The following CIT variants were observed in gnomAD, a reference collection of about 807,000 sequenced individuals.
The protein encoded by CIT is citron Rho-interacting kinase.
In CIT, 79 loss-of-function variants were observed where a neutral mutation model predicts 272.7. That is an observed-to-expected ratio of 0.29 (90% CI 0.24 to 0.35). The LOEUF is 0.35. CIT is among the 10% of genes least tolerant of loss of function. The pLI, the probability that CIT is intolerant of heterozygous loss-of-function variation, is 1.00. For missense variants in CIT, 1,909 were observed against 2,618.3 expected, an observed-to-expected ratio of 0.73 and a Z score of 5.91; for synonymous variants, 948 against 995.6, an observed-to-expected ratio of 0.95 and a Z score of 0.90.
At chr12:119,838,292 C>T (rs1969161390) in intron 5 of CIT, among the ~76,000 whole-genome samples, 1 of 152,084 alleles carries the variant, frequency 6.6e-6, no homozygotes, top group Non-Finnish European at 1.5e-5. Context: ...AGGCCAGTCT[C>T]GAACTCCTGA....
At chr12:119,752,284 C>G in intron 22 of CIT, 37 bp from the exon 23 acceptor site, 1 of 1,548,486 alleles carries the variant, frequency 6.5e-7, no homozygotes. Context: ...GAGATAAACC[C>G]TTGCTTGGTC....
Position 119,804,420 on chromosome 12 carries a change from C to G in CIT, c.1112-1031G>C. 3 of 985,484 alleles carry G rather than the reference C, an allele frequency of 3.0e-6. No individual in the cohort carries two copies. The highest frequency in any genetic ancestry group is 3.6e-6 in the Non-Finnish European group (3 of 829,978). The allele number at this position is 985,484 out of a possible 1,614,324, so 61.0% of individuals were successfully genotyped here. Reference sequence around the variant, plus strand: ...AGTGCAGGCTGCATGCTCCCGGCTCCGTGCGTGCGTGCTCTGGCTGGAACC... The same window carrying G: ...AGTGCAGGCTGCATGCTCCCGGCTCGGTGCGTGCGTGCTCTGGCTGGAACC... On this transcript the variant is annotated intron_variant, in intron 9 of 47. Coordinates refer to ENST00000392521, the MANE Select transcript of CIT (RefSeq NM_001206999.2). This position sits in a 1 kb window ranked among gnomAD's most constrained non-coding sequence, Gnocchi z 5.3.
Position 119,752,063 on chromosome 12 carries a change from A to T in CIT, c.2891T>A (p.Ile964Asn). 6.2e-7 allele frequency: 1 copy of T among 1,611,860 alleles called. No individual in the cohort carries two copies. Among genetic ancestry groups the T allele is most frequent in the Non-Finnish European group, 8.5e-7 (1 of 1,179,782 alleles). ...CCCCAGACCTACCGTGAGTGCCTGG[A>T]TCTCCTCTTCAGCTTCTGCTGTGGT... ...EETTAEAEEE[I>N]QALTAHRDEI... The change falls in exon 23 of 48, where the codon ATC (isoleucine) becomes AAC (asparagine). Residue 964 changes from isoleucine (I) to asparagine (N), a missense_variant. Transcript: ENST00000392521.
At chr12:119,849,298 G>A (rs560353685) in intron 5 of CIT, among the ~76,000 whole-genome samples, 23 of 152,136 alleles carry the variant, frequency 1.5e-4, no homozygotes, top group African/African-American at 4.6e-4. Flanking sequence ...GTGGTGACAC[G>A]TGCCTGTAAT....
rs538841651 is a variant in CIT at position 119,806,594 on chromosome 12, C to T, written c.1112-3205G>A. Among the ~76,000 whole-genome samples, 19 of 152,160 alleles carry T rather than the reference C, an allele frequency of 1.2e-4. No homozygotes were observed. The South Asian group carries it at 3.3e-3, about 27-fold the overall frequency. ...AACTTGTAGGGGTGTTTTTGCAACC[C>T]AGGGCACACAGGATTTTCTCCCCAC... On this transcript the variant is annotated intron_variant, in intron 9 of 47. Transcript: ENST00000392521.
intron 3 of CIT, among the ~76,000 whole-genome samples, chr12:119,862,129 T>C (rs1486622415): frequency 6.6e-6 from 1 of 152,018 alleles, no homozygotes; most frequent in African/African-American, 2.4e-5. Flanking sequence ...GTCTCCCGAG[T>C]AGCTGGAACT....
At chr12:119,861,206 C>G (rs1474758769) in intron 3 of CIT, among the ~76,000 whole-genome samples, 1 of 152,082 alleles carries the variant, frequency 6.6e-6, no homozygotes, top group Non-Finnish European at 1.5e-5. Flanking sequence ...CACCCCTGTG[C>G]ACTTTTAGCT....
intron 10 of CIT, among the ~76,000 whole-genome samples, chr12:119,787,144 T>C (rs1405628447): frequency 6.6e-6 from 1 of 151,974 alleles, no homozygotes; most frequent in Non-Finnish European, 1.5e-5. Context: ...TTTGTATTTT[T>C]TGTAGACACG....
At chr12:119,824,327 T>C (rs1238025056) in intron 8 of CIT, among the ~76,000 whole-genome samples, 2 of 152,036 alleles carry the variant, frequency 1.3e-5, no homozygotes, top group African/African-American at 2.4e-5. Flanking sequence ...GGTTTCCTCA[T>C]CTATAAATGA....
Position 119,770,766 on chromosome 12 carries a change from G to A in CIT, c.2208+19C>T, listed in dbSNP as rs373149250. ...CTAACCTGTTATCTTTTAACTTTGC[G>A]ACTTTCATTCCTGCTCACCAGAATT... On this transcript the variant is annotated intron_variant, in intron 18 of 47. Transcript: ENST00000392521. The surrounding 1 kb of genome is among the most constrained non-coding windows in gnomAD (Gnocchi z 4.4). 679 of 1,612,380 alleles carry A rather than the reference G, an allele frequency of 4.2e-4. No homozygotes were observed. Among genetic ancestry groups the A allele is most frequent in the Admixed American group, 5.2e-4 (31 of 59,992 alleles).
chr12:119,867,203 TTTTTAAGACA>T (rs1366947892), intron 3 of CIT, among the ~76,000 whole-genome samples: 1 of 152,102 alleles, frequency 6.6e-6, no homozygotes, highest in Non-Finnish European at 1.5e-5. Flanking sequence ...CTTTTTTTTT[TTTTTAAGACA>T]GAGTCTCACT....
chr12:119,746,946 G>GAATATATACAT (rs1192861151), intron 23 of CIT, among the ~76,000 whole-genome samples: 2 of 152,188 alleles, frequency 1.3e-5, no homozygotes, highest in Non-Finnish European at 2.9e-5. Context: ...TCATGCAATA[G>GAATATATACAT]AATATATACA....
rs778929130 is a variant in CIT at position 119,718,834 on chromosome 12, G to A, written c.3868C>T (p.Pro1290Ser). Residue 1290 changes from proline (P) to serine (S), a missense_variant, in exon 31 of 48, where the codon CCT (proline) becomes TCT (serine). By Grantham distance (74) the Pro-to-Ser change is moderately conservative (BLOSUM62 -1). Coordinates refer to ENST00000392521, the MANE Select transcript of CIT (RefSeq NM_001206999.2). The surrounding 1 kb of genome is among the most constrained non-coding windows in gnomAD (Gnocchi z 4.8). The part of the protein sequence containing the change: ...KGLFSRRKED[P>S]ALPTQVPLQY... ...AGAGGAACCTGTGTGGGTAAAGCAGGGTCCTCTTTCCGTCGACTAAATAAA... is the reference window on the plus strand; with the variant it reads ...AGAGGAACCTGTGTGGGTAAAGCAGAGTCCTCTTTCCGTCGACTAAATAAA... 6.2e-7 allele frequency: 1 copy of A among 1,614,024 alleles called. No individual in the cohort carries two copies. Among genetic ancestry groups the A allele is most frequent in the Admixed American group, 1.7e-5 (1 of 60,002 alleles).
chr12:119,763,323 C>T (rs188634758), intron 19 of CIT, among the ~76,000 whole-genome samples: 69 of 5,192 alleles, frequency 0.013, no homozygotes, highest in East Asian at 0.047. Flanking sequence ...TGATCACAAG[C>T]GATCCTCCCA....
Position 119,803,239 on chromosome 12 carries a change from T to TACGAAAACCCCACAA in CIT, c.1247_1261dup (p.Phe416_Ser420dup). ...ACCAAGAATCCCCAGTGCCTTGCTGTACGAAAACCCCACAAACGGCAGTTC... is the reference window on the plus strand; with the variant it reads ...ACCAAGAATCCCCAGTGCCTTGCTGTACGAAAACCCCACAAACGAAAACCCCACAAACGGCAGTTC... On this transcript the variant is annotated inframe_insertion, in exon 10 of 48. Coordinates refer to ENST00000392521, the MANE Select transcript of CIT (RefSeq NM_001206999.2). 6.3e-7 allele frequency: 1 copy of TACGAAAACCCCACAA among 1,595,726 alleles called. No homozygotes were observed. Among genetic ancestry groups the TACGAAAACCCCACAA allele is most frequent in the Non-Finnish European group, 8.5e-7 (1 of 1,173,068 alleles).
intron 3 of CIT, among the ~76,000 whole-genome samples, chr12:119,859,130 A>T (rs143398747): frequency 0.013 from 1,951 of 152,348 alleles, 23 homozygotes; most frequent in Non-Finnish European, 0.02. Flanking sequence ...GAAGGGGAGC[A>T]GCAGTGGCTG....
chr12:119,761,631 G>A (rs1427104040), intron 19 of CIT, among the ~76,000 whole-genome samples: 1 of 152,094 alleles, frequency 6.6e-6, no homozygotes, highest in Admixed American at 6.5e-5. Context: ...AATAACGTAG[G>A]TGGATGGTCA....
At chr12:119,782,402 C>T (rs1301394380) in intron 13 of CIT, 116 bp downstream of exon 13, 4 of 1,186,552 alleles carry the variant, frequency 3.4e-6, no homozygotes, top group Non-Finnish European at 2.4e-6. Flanking sequence ...TTCCACTCTG[C>T]CCCCACCCTT....
At chr12:119,875,600 C>T (rs1275443298) in intron 2 of CIT, among the ~76,000 whole-genome samples, 3 of 152,078 alleles carry the variant, frequency 2.0e-5, no homozygotes, top group African/African-American at 7.2e-5. Context: ...AAAAATTAGC[C>T]AGGCATGGTG....
Sources: allele counts gnomAD v4.1 joint callset (sites outside exome capture counted in the v4.1 genomes callset), GRCh38; gene constraint gnomAD v4.1.1; non-coding constraint Gnocchi (gnomAD v3.1); transcripts MANE v1.5; gene names NCBI Gene and HGNC (gene_info 2026-07-23, HGNC 2026-07-21).